Variants in CPNE4 observed in about 807,000 individuals in gnomAD.
The protein encoded by CPNE4 is copine 4, also known as copine-4.
In CPNE4, 25 loss-of-function variants were observed where a neutral mutation model predicts 67.9. The ratio of observed to expected loss-of-function variants is 0.37; its 90% CI spans 0.27 to 0.51. The LOEUF (loss-of-function observed/expected upper bound fraction) is 0.51. Ranked by LOEUF, CPNE4 falls within the 20% of genes least tolerant of loss-of-function variation. The pLI, the probability that CPNE4 is intolerant of heterozygous loss-of-function variation, is 0.93. For synonymous variants in CPNE4, 242 were observed against 244.9 expected (o/e 0.99, Z 0.11); for missense variants, 464 against 690.8 (o/e 0.67, Z 3.68).
chr3:131,669,423 T>C (rs889209949), intron 7 of CPNE4, among the ~76,000 whole-genome samples: 2 of 152,104 alleles, frequency 1.3e-5, no homozygotes, highest in Admixed American at 1.3e-4. Context: ...ATTGCCATGG[T>C]TTTGTCTTTC....
In CPNE4 at chr3:131,534,666, A is replaced by G. The variant is rs1040542314; in HGVS notation, c.*529T>C. On this transcript the variant is annotated 3_prime_UTR_variant, in exon 16 of 16. Coordinates refer to ENST00000429747, the MANE Select transcript of CPNE4 (RefSeq NM_130808.3). ...AGTAAATAAACCTCTTCTTTAGTAGAGAGACCATTCTCAGCAGGGAGGAAT... is the reference window on the plus strand; with the variant it reads ...AGTAAATAAACCTCTTCTTTAGTAGGGAGACCATTCTCAGCAGGGAGGAAT... 1.3e-5 allele frequency: 2 copies of G among 152,342 alleles called. No homozygotes were observed. Among genetic ancestry groups the G allele is most frequent in the East Asian group, 1.9e-4 (1 of 5,204 alleles). The allele number at this position is 152,342 out of a possible 1,614,324, so 9.4% of individuals were successfully genotyped here.
chr3:131,718,368 T>G (rs2081791785), intron 3 of CPNE4, among the ~76,000 whole-genome samples: 1 of 152,162 alleles, frequency 6.6e-6, no homozygotes, highest in South Asian at 2.1e-4. Context: ...CTCTCTAAAG[T>G]TTAGAGAAAA....
chr3:131,535,394 G>C lies in CPNE4; in HGVS notation c.1540-65C>G, dbSNP rs923521093. On this transcript the variant is annotated intron_variant, in intron 15 of 15. Coordinates refer to ENST00000429747, the MANE Select transcript of CPNE4 (RefSeq NM_130808.3). ...TCAAGGAATCAGACTCATCCTAAAAGATTTGAGTCCTGCTCTGGGCAGCTA... is the reference window on the plus strand; with the variant it reads ...TCAAGGAATCAGACTCATCCTAAAACATTTGAGTCCTGCTCTGGGCAGCTA... The C allele has an allele frequency of 3.3e-6, 5 of 1,517,238 alleles. No individual in the cohort carries two copies. In the African/African-American group the frequency reaches 5.6e-5, roughly 17 times the overall value. 94.0% of individuals were successfully genotyped at this position (1,517,238 alleles called of 1,614,324 possible).
chr3:131,594,891 A>G (rs1352288148), intron 7 of CPNE4, among the ~76,000 whole-genome samples: 1 of 152,240 alleles, frequency 6.6e-6, no homozygotes, highest in Non-Finnish European at 1.5e-5. Flanking sequence ...AAAAATTGAC[A>G]TAAGACTTGG....
At chr3:131,997,348 T>G (rs143593987) in intron 1 of CPNE4, among the ~76,000 whole-genome samples, 32 of 152,222 alleles carry the variant, frequency 2.1e-4, no homozygotes, top group African/African-American at 7.7e-4. Flanking sequence ...TTCACACAGC[T>G]GAAGACGGTT....
At chr3:131,885,016 A>C (rs1334687877) in intron 2 of CPNE4, among the ~76,000 whole-genome samples, 5 of 152,288 alleles carry the variant, frequency 3.3e-5, no homozygotes, top group African/African-American at 1.2e-4. Context: ...AAAAATATGG[A>C]AGCAACTTTG....
chr3:131,912,538 T>C (rs1223212765), intron 1 of CPNE4, among the ~76,000 whole-genome samples: 1 of 152,176 alleles, frequency 6.6e-6, no homozygotes, highest in Non-Finnish European at 1.5e-5. Context: ...GGATCTGCTA[T>C]GTGCCTGATG....
chr3:131,674,626 C>A (rs140825452), intron 6 of CPNE4, among the ~76,000 whole-genome samples: 253 of 151,986 alleles, frequency 1.7e-3, no homozygotes, highest in African/African-American at 6.0e-3. Context: ...CTCATAGTAA[C>A]CTCAATGATC....
At chr3:131,966,806 G>A (rs912633929) in intron 1 of CPNE4, among the ~76,000 whole-genome samples, 2 of 152,162 alleles carry the variant, frequency 1.3e-5, no homozygotes, top group Non-Finnish European at 2.9e-5. Flanking sequence ...GAGGTTCAAA[G>A]CAGAGCTGGT....
intron 10 of CPNE4, among the ~76,000 whole-genome samples, chr3:131,573,625 T>G (rs1231303149): frequency 1.3e-5 from 2 of 152,126 alleles, no homozygotes; most frequent in Non-Finnish European, 2.9e-5. Context: ...AAGCTATAAA[T>G]AGTTTCCTGA....
chr3:131,646,016 A>G (rs1453309101), intron 7 of CPNE4, among the ~76,000 whole-genome samples: 1 of 152,200 alleles, frequency 6.6e-6, no homozygotes, highest in African/African-American at 2.4e-5. Context: ...TGCAGGGGTT[A>G]CTTTGTTCAG....
At chr3:131,775,160 C>T (rs2083262544) in intron 2 of CPNE4, among the ~76,000 whole-genome samples, 1 of 152,026 alleles carries the variant, frequency 6.6e-6, no homozygotes, top group Non-Finnish European at 1.5e-5. Context: ...TTTTTCACCT[C>T]CAAAGAAGGC....
intron 2 of CPNE4, among the ~76,000 whole-genome samples, chr3:131,744,683 A>G (rs994805217): frequency 2.6e-5 from 4 of 152,210 alleles, no homozygotes; most frequent in Non-Finnish European, 5.9e-5. Context: ...ATTGACTCAT[A>G]CAGTATGTAA....
chr3:131,673,978 T>G (rs1583000130), intron 6 of CPNE4, among the ~76,000 whole-genome samples: 1 of 151,282 alleles, frequency 6.6e-6, no homozygotes, highest in East Asian at 1.9e-4. Context: ...TGTGTTGACG[T>G]ATGTTTCTTC....
At chr3:131,921,636 G>A (rs1184037892) in intron 1 of CPNE4, among the ~76,000 whole-genome samples, 1 of 152,090 alleles carries the variant, frequency 6.6e-6, no homozygotes, top group Non-Finnish European at 1.5e-5. Context: ...GGTGTACTTT[G>A]GTTTCCTCAT....
At chr3:131,616,444 G>C (rs915923101) in intron 7 of CPNE4, among the ~76,000 whole-genome samples, 34 of 152,180 alleles carry the variant, frequency 2.2e-4, no homozygotes, top group Non-Finnish European at 1.8e-4. Flanking sequence ...AGTGTGGCCA[G>C]ATTTCCTGTC....
intron 1 of CPNE4, among the ~76,000 whole-genome samples, chr3:131,961,315 G>A (rs1380977997): frequency 6.6e-6 from 1 of 151,636 alleles, no homozygotes; most frequent in East Asian, 1.9e-4. Context: ...AGTTTCAGTA[G>A]CACCTCTATG....
intron 7 of CPNE4, among the ~76,000 whole-genome samples, chr3:131,656,237 G>T (rs1248549385): frequency 6.6e-6 from 1 of 151,958 alleles, no homozygotes; most frequent in Non-Finnish European, 1.5e-5. Flanking sequence ...GAGAAAATAT[G>T]GTGACAAATG....
rs536425744 is a variant in CPNE4, at chr3:131,620,936, A to G, written c.682-33354T>C. 2.0e-5 allele frequency among the ~76,000 whole-genome samples: 3 copies of G among 152,324 alleles called. No individual in the cohort carries two copies. In the South Asian group the frequency reaches 6.2e-4, roughly 32 times the overall value. ...ACATTTTCATTGCTTTAAGCCACCA[A>G]TTTTGTGGTAATTTTGTTACAGTAG... is the stretch of plus-strand genomic sequence containing the variant. On this transcript the variant is annotated intron_variant, in intron 7 of 15. Transcript: ENST00000429747.
Sources: gnomAD v4.1 joint callset for allele counts (sites outside exome capture counted in the v4.1 genomes callset) on GRCh38, gnomAD v4.1.1 for gene constraint, MANE v1.5 for transcripts, NCBI Gene and HGNC (gene_info 2026-07-23, HGNC 2026-07-21) for gene names.